ATG7: variants seen among roughly 807,000 people sequenced by gnomAD.
ATG7 encodes the protein ubiquitin-like modifier-activating enzyme ATG7.
ATG7 carries 70 observed loss-of-function variants against 82.4 expected under a neutral mutation model. The ratio of observed to expected loss-of-function variants is 0.85; its 90% CI spans 0.70 to 1.04. ATG7 has a LOEUF of 1.04. Among genes scored for constraint, ATG7 ranks in the 50% least tolerant of loss-of-function variants. The pLI is 0.00. For synonymous variants in ATG7, 287 were observed against 313.0 expected, an observed-to-expected ratio of 0.92 and a Z score of 0.88; for missense variants, 792 against 864.3, an observed-to-expected ratio of 0.92 and a Z score of 1.05.
chr3:11,342,835 AT>A lies in ATG7; in HGVS notation c.1125+567del, dbSNP rs5846704. Among the ~76,000 whole-genome samples the A allele has an allele frequency of 6.0e-4, 87 of 145,428 alleles. 1 individual carries two copies. The highest frequency in any genetic ancestry group is 3.9e-3 in the South Asian group (18 of 4,634). On this transcript the variant is annotated intron_variant, in intron 13 of 20. Coordinates refer to ENST00000693202, the MANE Select transcript of ATG7 (RefSeq NM_001349232.2). ...ACTTGTATGTTTATATATCCATAGG[AT>A]TTTTTTTTTTAGGAAAAAAACCCTG...
In ATG7 at chr3:11,475,425, G is replaced by C. The variant is rs73019595; in HGVS notation, c.2079+48499G>C. Reference sequence around the variant, plus strand: ...ACCAGAGCTGCATGATGGGCAGGGGGCTGGCGAGATGCGTCAGGATTCACA... The same window carrying C: ...ACCAGAGCTGCATGATGGGCAGGGGCCTGGCGAGATGCGTCAGGATTCACA... On this transcript the variant is annotated intron_variant, in intron 20 of 20. Coordinates refer to ENST00000693202, the MANE Select transcript of ATG7 (RefSeq NM_001349232.2). Among the ~76,000 whole-genome samples the C allele has an allele frequency of 9.2e-3, 1,394 of 152,282 alleles. 12 individuals are homozygous for C. The highest frequency in any genetic ancestry group is 0.013 in the Non-Finnish European group (900 of 68,024).
chr3:11,543,136 G>A (rs2070973149), intron 20 of ATG7, among the ~76,000 whole-genome samples: 1 of 152,206 alleles, frequency 6.6e-6, no homozygotes, highest in Non-Finnish European at 1.5e-5. Flanking sequence ...CATGAAACCT[G>A]TCGTTTTCTC....
At chr3:11,481,337 G>A (rs2088947873) in intron 20 of ATG7, among the ~76,000 whole-genome samples, 1 of 152,150 alleles carries the variant, frequency 6.6e-6, no homozygotes, top group African/African-American at 2.4e-5. Flanking sequence ...TATATTTTAC[G>A]ATGATAAAAA....
At position 11,315,393 on chromosome 3, in the gene ATG7, T is replaced by TCA; in HGVS notation, c.581_582dup (p.Ala195GlnfsTer7). ...GATAATCTTTGTCAAACAGAAGGAG[T>TCA]CACAGCTCTTCCTTACTTCTTAATC... On this transcript the variant is annotated frameshift_variant, in exon 9 of 21. Transcript: ENST00000693202. LOFTEE classifies it high-confidence loss of function. The TCA allele has an allele frequency of 6.2e-7, 1 of 1,611,708 alleles. No individual in the cohort carries two copies. Among genetic ancestry groups the TCA allele is most frequent in the Non-Finnish European group, 8.5e-7 (1 of 1,178,872 alleles).
chr3:11,566,293 G>GA, the ATG7 span, among the ~76,000 whole-genome samples: 1 of 152,204 alleles, frequency 6.6e-6, no homozygotes, highest in African/African-American at 2.4e-5. Flanking sequence ...TCAGTTGTAA[G>GA]AAACAACACA....
intron 20 of ATG7, among the ~76,000 whole-genome samples, chr3:11,524,711 C>T (rs2092528046): frequency 6.6e-6 from 1 of 152,076 alleles, no homozygotes; most frequent in South Asian, 2.1e-4. Flanking sequence ...CAGTTGAGCC[C>T]ACAAGTTGGA....
intron 20 of ATG7, among the ~76,000 whole-genome samples, chr3:11,478,899 T>C (rs2088574564): frequency 6.6e-6 from 1 of 152,080 alleles, no homozygotes; most frequent in South Asian, 2.1e-4. Context: ...ATAATTGAGA[T>C]ATTTAAGCTC....
At chr3:11,333,160 C>G (rs1191141039) in intron 11 of ATG7, 67 bp downstream of exon 11, 5 of 1,451,922 alleles carry the variant, frequency 3.4e-6, no homozygotes, top group Non-Finnish European at 4.6e-6. Context: ...GGTTTACTTT[C>G]TTTTCATATC....
At chr3:11,452,214 G>A (rs2085256373) in intron 20 of ATG7, among the ~76,000 whole-genome samples, 1 of 151,802 alleles carries the variant, frequency 6.6e-6, no homozygotes, top group South Asian at 2.1e-4. Context: ...GTGAAACCCT[G>A]TCTGTACTAA....
rs1033549232 is a variant in ATG7, at chr3:11,464,146, C to T, written c.2079+37220C>T. 1.4e-4 allele frequency among the ~76,000 whole-genome samples: 21 copies of T among 151,524 alleles called. No individual in the cohort carries two copies. The South Asian group carries it at 1.5e-3, about 11-fold the overall frequency. ...CAGCACTTTGGGAGGCCAAGGCAGG[C>T]GGATCACTTGAGCCCAGGAGTTTGA... is the stretch of plus-strand genomic sequence containing the variant. On this transcript the variant is annotated intron_variant, in intron 20 of 20. Coordinates refer to ENST00000693202, the MANE Select transcript of ATG7 (RefSeq NM_001349232.2).
intron 20 of ATG7, among the ~76,000 whole-genome samples, chr3:11,434,352 CTGGG>C (rs1017853260): frequency 6.6e-6 from 1 of 152,214 alleles, no homozygotes; most frequent in African/African-American, 2.4e-5. Context: ...AGAAATCGCT[CTGGG>C]GACTGAACTA....
At chr3:11,404,036 A>G (rs1343262230) in intron 19 of ATG7, among the ~76,000 whole-genome samples, 2 of 151,956 alleles carry the variant, frequency 1.3e-5, no homozygotes, top group East Asian at 1.9e-4. Flanking sequence ...TTGACCTACA[A>G]TAGTATAATC....
chr3:11,331,211 C>G, intron 9 of ATG7, 129 bp from the exon 10 acceptor site: 1 of 770,158 alleles, frequency 1.3e-6, no homozygotes, highest in South Asian at 1.7e-5. Flanking sequence ...CCCCTTAGCC[C>G]TTTACCAGAT....
At chr3:11,306,273 T>C (rs1424311776) in intron 5 of ATG7, among the ~76,000 whole-genome samples, 1 of 152,186 alleles carries the variant, frequency 6.6e-6, no homozygotes, top group Non-Finnish European at 1.5e-5. Flanking sequence ...TGGGCTAGGT[T>C]GTGGGGCAGT....
chr3:11,367,011 G>A (rs1317392475), intron 18 of ATG7, among the ~76,000 whole-genome samples: 2 of 149,732 alleles, frequency 1.3e-5, no homozygotes, highest in African/African-American at 4.9e-5. Flanking sequence ...GTGTGTGTGT[G>A]TGTTTACTTG....
At chr3:11,451,482 C>T (rs558928711) in intron 20 of ATG7, among the ~76,000 whole-genome samples, 7 of 152,156 alleles carry the variant, frequency 4.6e-5, no homozygotes, top group East Asian at 1.9e-4. Flanking sequence ...AAGTGAAAGT[C>T]GGCATTACTA....
At chr3:11,483,355 C>T (rs1183445132) in intron 20 of ATG7, among the ~76,000 whole-genome samples, 4 of 152,184 alleles carry the variant, frequency 2.6e-5, no homozygotes, top group Non-Finnish European at 4.4e-5. Flanking sequence ...AAGAATCAGA[C>T]TGTGGTTCTT....
At chr3:11,537,428 A>G (rs1174555936) in intron 20 of ATG7, among the ~76,000 whole-genome samples, 1 of 152,180 alleles carries the variant, frequency 6.6e-6, no homozygotes, top group African/African-American at 2.4e-5. Context: ...TGTCCCAGTC[A>G]TGGCTGATCA....
chr3:11,538,295 A>T (rs527838965), intron 20 of ATG7, among the ~76,000 whole-genome samples: 2 of 152,300 alleles, frequency 1.3e-5, no homozygotes, highest in African/African-American at 4.8e-5. Flanking sequence ...CACAGACTCT[A>T]TCACACCATG....
Sources: allele counts gnomAD v4.1 joint callset (sites outside exome capture counted in the v4.1 genomes callset), GRCh38; gene constraint gnomAD v4.1.1; transcripts MANE v1.5; gene names NCBI Gene and HGNC (gene_info 2026-07-23, HGNC 2026-07-21).